MAD1L1: variants seen among roughly 807,000 people sequenced by gnomAD.
MAD1L1 encodes the protein mitotic arrest deficient 1 like 1.
In MAD1L1, 95 loss-of-function variants were observed where a neutral mutation model predicts 96.9. That is an observed-to-expected ratio of 0.98 (90% CI 0.83 to 1.16). The LOEUF (loss-of-function observed/expected upper bound fraction) is 1.16. MAD1L1 is among the 50% of genes most tolerant of loss of function. The probability of loss-of-function intolerance (pLI) is 0.00; values close to 1 mark genes in which losing one functional copy is unlikely to be tolerated. For synonymous variants in MAD1L1, 473 were observed against 396.6 expected, an observed-to-expected ratio of 1.19 and a Z score of -2.29; for missense variants, 1,007 against 954.4, an observed-to-expected ratio of 1.06 and a Z score of -0.73.
At position 2,168,014 on chromosome 7, in the gene MAD1L1, G is replaced by A. The variant is rs143898709; in HGVS notation, c.987-18776C>T. ...AAGAACAGTAAATTGGACGGGCATG[G>A]TGGCTCACGCCTGTAATCCCAGCAC... On this transcript the variant is annotated intron_variant, in intron 10 of 18. Transcript: ENST00000265854. 9.6e-3 allele frequency among the ~76,000 whole-genome samples: 1,468 copies of A among 152,150 alleles called. 14 individuals are homozygous for A. Among genetic ancestry groups the A allele is most frequent in the Middle Eastern group, 0.027 (8 of 294 alleles).
intron 12 of MAD1L1, among the ~76,000 whole-genome samples, chr7:2,056,147 T>G (rs1020147361): frequency 6.6e-6 from 1 of 152,206 alleles, no homozygotes; most frequent in Non-Finnish European, 1.5e-5. Flanking sequence ...ATGATGACTG[T>G]CTGACACAAA....
At chr7:2,200,504 A>T (rs1792233406) in intron 10 of MAD1L1, 1 of 145,826 alleles carries the variant, frequency 6.9e-6, no homozygotes, top group Non-Finnish European at 1.5e-5. Flanking sequence ...CATTCTGCCC[A>T]GGTAAGACAC....
intron 11 of MAD1L1, among the ~76,000 whole-genome samples, chr7:2,100,711 C>T (rs73038445): frequency 6.6e-6 from 1 of 152,256 alleles, no homozygotes; most frequent in Non-Finnish European, 1.5e-5. Context: ...CAGGTCCTGG[C>T]CGCAAATCAT....
At chr7:2,207,077 C>CAAA (rs201353849) in intron 10 of MAD1L1, among the ~76,000 whole-genome samples, 3 of 56,076 alleles carry the variant, frequency 5.3e-5, no homozygotes, top group Admixed American at 1.9e-4. Flanking sequence ...GATTCCGTCT[C>CAAA]AAAAAAAAAA....
At chr7:1,843,126 C>T (rs1447234069) in intron 18 of MAD1L1, among the ~76,000 whole-genome samples, 2 of 152,186 alleles carry the variant, frequency 1.3e-5, no homozygotes. Context: ...CATGAGGCCC[C>T]GATGGCACAG....
In MAD1L1 at chr7:2,118,095, C is replaced by A. The variant is rs147055476; in HGVS notation, c.1073+31057G>T. 9.5e-4 allele frequency among the ~76,000 whole-genome samples: 144 copies of A among 152,314 alleles called. 3 individuals are homozygous for A. The East Asian group carries it at 0.025, about 27-fold the overall frequency. ...CAGCCCATCAGGCCAGCTCAGTGCC[C>A]CTTACCCACCCTCCACCCTGTGCAC... is the stretch of plus-strand genomic sequence containing the variant. On this transcript the variant is annotated intron_variant, in intron 11 of 18. Transcript: ENST00000265854.
At chr7:2,037,875 G>A (rs1337322157) in intron 12 of MAD1L1, among the ~76,000 whole-genome samples, 1 of 152,174 alleles carries the variant, frequency 6.6e-6, no homozygotes, top group Non-Finnish European at 1.5e-5. Context: ...TCAAGAGAAA[G>A]GAAGAGTCGC....
intron 10 of MAD1L1, among the ~76,000 whole-genome samples, chr7:2,199,170 C>T (rs1370618308): frequency 1.3e-5 from 2 of 152,222 alleles, no homozygotes; most frequent in South Asian, 2.1e-4. Context: ...ATTTGCAAAG[C>T]GAGGAAACTG....
At chr7:1,843,297 G>A (rs1193915325) in intron 18 of MAD1L1, among the ~76,000 whole-genome samples, 1 of 152,180 alleles carries the variant, frequency 6.6e-6, no homozygotes, top group Admixed American at 6.5e-5. Context: ...CAACTAAACG[G>A]TAACACTCTT....
At chr7:2,136,234 G>C (rs1788744454) in intron 11 of MAD1L1, among the ~76,000 whole-genome samples, 1 of 152,240 alleles carries the variant, frequency 6.6e-6, no homozygotes, top group African/African-American at 2.4e-5. Flanking sequence ...AGCGACCTGT[G>C]ATATCTGAGC....
intron 11 of MAD1L1, among the ~76,000 whole-genome samples, chr7:2,085,264 G>A (rs1194232472): frequency 6.6e-6 from 1 of 152,226 alleles, no homozygotes; most frequent in Non-Finnish European, 1.5e-5. Context: ...CTCAAAGGTA[G>A]AAAAGGTTAA....
At chr7:1,998,655 A>G (rs1413508448) in intron 14 of MAD1L1, among the ~76,000 whole-genome samples, 3 of 152,182 alleles carry the variant, frequency 2.0e-5, no homozygotes, top group Non-Finnish European at 4.4e-5. Context: ...CAGAAAGCTC[A>G]GTCACTGAGA....
At chr7:2,009,523 ACCACAGGGTCC>A (rs1323778033) in intron 13 of MAD1L1, among the ~76,000 whole-genome samples, 2 of 152,270 alleles carry the variant, frequency 1.3e-5, no homozygotes, top group South Asian at 4.2e-4. Context: ...GAGGCGGCAC[ACCACAGGGTCC>A]CCACAGGGCT....
chr7:2,065,765 C>T (rs997956779), intron 12 of MAD1L1, among the ~76,000 whole-genome samples: 1 of 152,198 alleles, frequency 6.6e-6, no homozygotes, highest in Non-Finnish European at 1.5e-5. Context: ...ACTGCTCCCC[C>T]CAAGCCTGGG....
At chr7:1,913,002 C>G (rs1282631030) in intron 17 of MAD1L1, among the ~76,000 whole-genome samples, 1 of 152,154 alleles carries the variant, frequency 6.6e-6, no homozygotes, top group Non-Finnish European at 1.5e-5. Flanking sequence ...CAGGCGAGCC[C>G]CCTCTGAGAA....
chr7:1,818,229 G>A lies in MAD1L1; in HGVS notation c.1999-2001C>T, dbSNP rs961463749. Among the ~76,000 whole-genome samples, 8 of 152,114 alleles carry A rather than the reference G, an allele frequency of 5.3e-5. No homozygotes were observed. The South Asian group carries it at 1.5e-3, about 28-fold the overall frequency. ...AAGAAGTCTCCTCAGCCGGCCCTTC[G>A]CCCTCCTCCCAACCCAGGGCTGGCA... On this transcript the variant is annotated intron_variant, in intron 18 of 18. Coordinates refer to ENST00000265854, the MANE Select transcript of MAD1L1 (RefSeq NM_001013836.2).
At chr7:1,844,353 T>C (rs973674684) in intron 18 of MAD1L1, 6 of 152,408 alleles carry the variant, frequency 3.9e-5, no homozygotes, top group African/African-American at 1.4e-4. Context: ...GCTGGACAGG[T>C]AGGGGCCCAG....
intron 15 of MAD1L1, 142 bp from the exon 16 acceptor site, chr7:1,957,861 A>C (rs1779794334): frequency 1.5e-6 from 1 of 689,646 alleles, no homozygotes; most frequent in Admixed American, 2.7e-5. Context: ...TGAAGCTCTC[A>C]GAGTCCAGCG....
intron 10 of MAD1L1, among the ~76,000 whole-genome samples, chr7:2,205,653 G>A (rs1792561857): frequency 6.6e-6 from 1 of 152,076 alleles, no homozygotes; most frequent in Non-Finnish European, 1.5e-5. Context: ...CCCTCGGCTG[G>A]CTCTGCAATC....
Sources: gnomAD v4.1 joint callset for allele counts (sites outside exome capture counted in the v4.1 genomes callset) on GRCh38, gnomAD v4.1.1 for gene constraint, MANE v1.5 for transcripts, NCBI Gene and HGNC (gene_info 2026-07-23, HGNC 2026-07-21) for gene names.